Variants in CTBP2 observed in about 807,000 individuals in gnomAD.
The protein encoded by CTBP2 is C-terminal binding protein 2.
CTBP2 carries 30 observed loss-of-function variants against 80.3 expected under a neutral mutation model. The observed-to-expected ratio is 0.37, with a 90% CI of 0.28 to 0.51. The LOEUF (loss-of-function observed/expected upper bound fraction) is 0.51. CTBP2 is among the 20% of genes least tolerant of loss of function. The pLI, the probability that CTBP2 is intolerant of heterozygous loss-of-function variation, is 0.93. For missense variants in CTBP2, 1,212 were observed against 1,375.3 expected (o/e 0.88, Z 1.88); for synonymous variants, 594 against 587.4 (o/e 1.01, Z -0.16).
intron 2 of CTBP2, among the ~76,000 whole-genome samples, chr10:125,079,150 GA>G (rs58370199): frequency 0.33 from 32,805 of 100,918 alleles, 4,932 homozygotes; most frequent in East Asian, 0.45. Context: ...TTGTCTCGAG[GA>G]AAAAAAAAAA....
chr10:125,018,975 C>A (rs557747837), intron 1 of CTBP2, among the ~76,000 whole-genome samples: 3 of 152,332 alleles, frequency 2.0e-5, no homozygotes, highest in African/African-American at 7.2e-5. Flanking sequence ...CCCAGGGGGC[C>A]GCCCACTCTG....
intron 3 of CTBP2, among the ~76,000 whole-genome samples, chr10:125,002,239 C>G (rs924545723): frequency 6.6e-6 from 1 of 152,256 alleles, no homozygotes; most frequent in Non-Finnish European, 1.5e-5. Context: ...ACCTGGCCCT[C>G]TCCCGAGGAC....
At position 124,984,650 on chromosome 10, in the gene CTBP2, GA is replaced by G. The variant is rs1951993079; in HGVS notation, c.*4867del. ...AACTTCCAAGAGGTCAAAACCATGT[GA>G]AAAGTTGATTGCTTTGGCCTTTTCA... On this transcript the variant is annotated 3_prime_UTR_variant, in exon 9 of 9. Coordinates refer to ENST00000309035, the MANE Select transcript of CTBP2 (RefSeq NM_022802.3). 1.0e-6 allele frequency: 1 copy of G among 956,640 alleles called. No homozygotes were observed. Among genetic ancestry groups the G allele is most frequent in the African/African-American group, 1.6e-5 (1 of 60,632 alleles). The allele number at this position is 956,640 out of a possible 1,614,324, so 59.3% of individuals were successfully genotyped here. A position where few individuals can be genotyped will look rare whatever the true frequency, so the allele number is the denominator to read the frequency against.
At chr10:125,099,441 G>T (rs1850260105) in intron 2 of CTBP2, among the ~76,000 whole-genome samples, 1 of 152,120 alleles carries the variant, frequency 6.6e-6, no homozygotes, top group Non-Finnish European at 1.5e-5. Context: ...ACCAGAGAAG[G>T]CCTGGGACAT....
Position 125,027,904 on chromosome 10 carries a change from A to G in CTBP2, c.-145T>C. The G allele has an allele frequency of 7.0e-7, 1 of 1,425,730 alleles. No individual in the cohort carries two copies. The highest frequency in any genetic ancestry group is 1.5e-5 in the South Asian group (1 of 64,760). The allele number at this position is 1,425,730 out of a possible 1,614,324, so 88.3% of individuals were successfully genotyped here. On this transcript the variant is annotated 5_prime_UTR_variant, in exon 1 of 9. Transcript: ENST00000309035. ...AACTGGGGGTTTTCTGTTTCAAAGCATGGCCTGAATTATTAATCCTCCGAA... is the reference window on the plus strand; with the variant it reads ...AACTGGGGGTTTTCTGTTTCAAAGCGTGGCCTGAATTATTAATCCTCCGAA...
intron 1 of CTBP2, among the ~76,000 whole-genome samples, chr10:125,113,224 C>A (rs1355075612): frequency 1.3e-5 from 2 of 152,196 alleles, no homozygotes; most frequent in Non-Finnish European, 2.9e-5. Flanking sequence ...TATAGTGACA[C>A]AAGCATCTAA....
intron 1 of CTBP2, among the ~76,000 whole-genome samples, chr10:125,148,672 G>A (rs1031401354): frequency 5.9e-5 from 9 of 152,096 alleles, no homozygotes; most frequent in African/African-American, 1.9e-4. Flanking sequence ...AGACATTCTC[G>A]AATTTACCAC....
At chr10:125,041,669 A>AG (rs988650037) in intron 2 of CTBP2, among the ~76,000 whole-genome samples, 149 of 152,236 alleles carry the variant, frequency 9.8e-4, no homozygotes, top group African/African-American at 3.3e-3. Flanking sequence ...GCGTCATCCA[A>AG]GGGGGGAAGA....
At chr10:125,152,298 G>T (rs1426013980) in intron 1 of CTBP2, among the ~76,000 whole-genome samples, 1 of 152,186 alleles carries the variant, frequency 6.6e-6, no homozygotes, top group Non-Finnish European at 1.5e-5. Context: ...GGGCACCCCC[G>T]CGGTCCGGGA....
At chr10:125,048,862 A>G (rs113010016) in intron 2 of CTBP2, among the ~76,000 whole-genome samples, 1 of 152,322 alleles carries the variant, frequency 6.6e-6, no homozygotes, top group African/African-American at 2.4e-5. Context: ...AACAGGCTCA[A>G]TTTGACTCAA....
At chr10:125,081,141 T>C (rs2135557428) in intron 2 of CTBP2, among the ~76,000 whole-genome samples, 1 of 152,022 alleles carries the variant, frequency 6.6e-6, no homozygotes, top group South Asian at 2.1e-4. Context: ...CCAACTCCAA[T>C]CAGGAAAAAA....
At chr10:125,024,744 T>C (rs1957374772) in intron 1 of CTBP2, among the ~76,000 whole-genome samples, 1 of 152,180 alleles carries the variant, frequency 6.6e-6, no homozygotes, top group African/African-American at 2.4e-5. Flanking sequence ...GCAAATCAGT[T>C]GGTTGCAAAG....
chr10:125,008,186 T>A (rs1330181544), intron 1 of CTBP2, among the ~76,000 whole-genome samples: 1 of 152,204 alleles, frequency 6.6e-6, no homozygotes, highest in African/African-American at 2.4e-5. Flanking sequence ...CCTCAGGTGA[T>A]CCACCTGCCT....
chr10:125,124,339 C>T (rs889402946), intron 1 of CTBP2, among the ~76,000 whole-genome samples: 1 of 152,176 alleles, frequency 6.6e-6, no homozygotes, highest in Non-Finnish European at 1.5e-5. Context: ...CCCGGTAACT[C>T]CCCGCTGGTT....
At chr10:125,030,364 T>C (rs1958052842), upstream of CTBP2, among the ~76,000 whole-genome samples, 1 of 152,190 alleles carries the variant, frequency 6.6e-6, no homozygotes. Flanking sequence ...AGAGGCGATG[T>C]CCACCCAAAG....
intron 1 of CTBP2, among the ~76,000 whole-genome samples, chr10:125,158,252 A>G (rs1189826972): frequency 6.6e-6 from 1 of 152,192 alleles, no homozygotes; most frequent in Non-Finnish European, 1.5e-5. Flanking sequence ...GCAAAACAGC[A>G]ATCTTAGGTA....
At chr10:125,098,678 G>GAC (rs2135775774) in intron 2 of CTBP2, among the ~76,000 whole-genome samples, 1 of 131,032 alleles carries the variant, frequency 7.6e-6, no homozygotes, top group African/African-American at 3.1e-5. Context: ...GAGAGAGAGA[G>GAC]AGAGAGAGAG....
intron 2 of CTBP2, among the ~76,000 whole-genome samples, chr10:125,044,673 G>A (rs1455470740): frequency 1.3e-5 from 2 of 152,146 alleles, no homozygotes; most frequent in Admixed American, 6.5e-5. Context: ...AGGCTGAGAC[G>A]GGCAGCTCTC....
At chr10:125,060,236 G>A (rs1160549001) in intron 2 of CTBP2, among the ~76,000 whole-genome samples, 1 of 51,834 alleles carries the variant, frequency 1.9e-5, no homozygotes, top group East Asian at 5.8e-4. Flanking sequence ...GCTGCCAAGG[G>A]AATCCGCAGA....
Sources: gnomAD v4.1 joint callset for allele counts (sites outside exome capture counted in the v4.1 genomes callset) on GRCh38, gnomAD v4.1.1 for gene constraint, MANE v1.5 for transcripts, NCBI Gene and HGNC (gene_info 2026-07-23, HGNC 2026-07-21) for gene names.